Variants in CNOT6 observed in about 807,000 individuals in gnomAD.
The protein encoded by CNOT6 is CCR4-NOT transcription complex subunit 6.
CNOT6 carries 12 observed loss-of-function variants against 61.2 expected under a neutral mutation model. The observed-to-expected ratio is 0.20, with a 90% CI of 0.13 to 0.32. The LOEUF is 0.32. CNOT6 is among the 10% of genes least tolerant of loss of function. The pLI, the probability that CNOT6 is intolerant of heterozygous loss-of-function variation, is 1.00. For missense variants in CNOT6, 405 were observed against 663.9 expected (o/e 0.61, Z 4.28); for synonymous variants, 225 against 240.6 (o/e 0.94, Z 0.60).
intron 1 of CNOT6, among the ~76,000 whole-genome samples, chr5:180,500,722 A>G (rs1185986147): frequency 6.6e-6 from 1 of 152,222 alleles, no homozygotes. Flanking sequence ...GTCAGGTAAC[A>G]TGCTACCTTT....
At chr5:180,548,941 A>T (rs1021747430) in intron 2 of CNOT6, among the ~76,000 whole-genome samples, 3 of 152,234 alleles carry the variant, frequency 2.0e-5, no homozygotes, top group African/African-American at 7.2e-5. Context: ...TTGACAATTT[A>T]TCAAGAAGTG....
At chr5:180,514,902 T>A (rs1170610149) in intron 1 of CNOT6, among the ~76,000 whole-genome samples, 1 of 152,166 alleles carries the variant, frequency 6.6e-6, no homozygotes, top group Non-Finnish European at 1.5e-5. Flanking sequence ...TTAGCGTAAT[T>A]TGCTAGGCAT....
At chr5:180,559,751 G>A (rs566490512) in intron 4 of CNOT6, among the ~76,000 whole-genome samples, 1 of 151,992 alleles carries the variant, frequency 6.6e-6, no homozygotes, top group East Asian at 1.9e-4. Flanking sequence ...TGGTTTGAGT[G>A]TGTCTGTTTG....
chr5:180,539,686 T>G (rs1758928157), intron 2 of CNOT6, among the ~76,000 whole-genome samples: 1 of 143,802 alleles, frequency 7.0e-6, no homozygotes, highest in Admixed American at 7.3e-5. Context: ...GCCTCCCAGG[T>G]TCACGCCATT....
At chr5:180,547,817 G>A (rs62405545) in intron 2 of CNOT6, among the ~76,000 whole-genome samples, 1 of 151,538 alleles carries the variant, frequency 6.6e-6, no homozygotes, top group Non-Finnish European at 1.5e-5. Flanking sequence ...CACTGCAACC[G>A]CCACCTCCCG....
intron 2 of CNOT6, among the ~76,000 whole-genome samples, chr5:180,546,140 C>T (rs963964010): frequency 2.0e-5 from 3 of 152,030 alleles, no homozygotes; most frequent in African/African-American, 4.8e-5. Flanking sequence ...ATGATCCACC[C>T]GCCTCGGCCT....
chr5:180,498,759 C>T (rs72811138), intron 1 of CNOT6, among the ~76,000 whole-genome samples: 2,878 of 152,276 alleles, frequency 0.019, 38 homozygotes, highest in Non-Finnish European at 0.027. Flanking sequence ...GGAGGCCCTA[C>T]AAGTGTATAT....
At chr5:180,571,508 A>G (rs1561668167) in intron 11 of CNOT6, 76 bp downstream of exon 11, 8 of 1,041,660 alleles carry the variant, frequency 7.7e-6, no homozygotes, top group Non-Finnish European at 1.0e-5. Flanking sequence ...TATGTCTTTA[A>G]AACTGTGGCT....
intron 2 of CNOT6, among the ~76,000 whole-genome samples, chr5:180,540,171 A>C (rs11748880): frequency 0.47 from 70,916 of 151,716 alleles, 17,582 homozygotes; most frequent in Non-Finnish European, 0.56. Flanking sequence ...AGACTGTTGG[A>C]CGCTTCCATT....
At chr5:180,546,746 A>G (rs1275105534) in intron 2 of CNOT6, among the ~76,000 whole-genome samples, 2 of 152,120 alleles carry the variant, frequency 1.3e-5, no homozygotes, top group African/African-American at 4.8e-5. Flanking sequence ...TGCTTAAAGA[A>G]TTTTCTCTAA....
rs1249251232 is a variant in CNOT6 at position 180,505,319 on chromosome 5, G to A, written c.-3+10556G>A. ...CGCCCAGTCTGGACTGCAGTGGCGC[G>A]ATCTCGGCTCACTGCAAGCTCCACC... On this transcript the variant is annotated intron_variant, in intron 1 of 11. Transcript: ENST00000261951. Among the ~76,000 whole-genome samples, 2 of 114,396 alleles carry A rather than the reference G, an allele frequency of 1.7e-5. 1 individual carries two copies. Among genetic ancestry groups the A allele is most frequent in the Non-Finnish European group, 3.4e-5 (2 of 58,228 alleles). The allele number at this position is 114,396 out of a possible 152,430, so 75.0% of individuals were successfully genotyped here.
intron 2 of CNOT6, among the ~76,000 whole-genome samples, chr5:180,542,041 A>G (rs946193416): frequency 3.3e-5 from 5 of 152,062 alleles, no homozygotes; most frequent in African/African-American, 4.8e-5. Flanking sequence ...GTGGCCTTCC[A>G]GCGTGCATTG....
intron 3 of CNOT6, among the ~76,000 whole-genome samples, chr5:180,553,137 A>C (rs912150400): frequency 6.6e-6 from 1 of 152,154 alleles, no homozygotes; most frequent in Non-Finnish European, 1.5e-5. Context: ...AATACTTTTT[A>C]AAAATTGGGT....
At chr5:180,533,781 T>C (rs1415268942) in intron 2 of CNOT6, among the ~76,000 whole-genome samples, 1 of 152,196 alleles carries the variant, frequency 6.6e-6, no homozygotes, top group Non-Finnish European at 1.5e-5. Flanking sequence ...ACAGTTTTCT[T>C]TTTTATATTT....
chr5:180,565,938 A>G lies in CNOT6; in HGVS notation c.678A>G (p.Gln226=), dbSNP rs1373574178. The G allele has an allele frequency of 6.2e-7, 1 of 1,614,046 alleles. No individual in the cohort carries two copies. Among genetic ancestry groups the G allele is most frequent in the Non-Finnish European group, 8.5e-7 (1 of 1,179,938 alleles). ...ACTACAGGAAAAAGGCCATTATTCA[A>G]GAAATCTTGAGCTGCAATGCTGATA... The part of the protein sequence containing the change: ...NWDYRKKAII[Q]EILSCNADIV... Residue 226 remains glutamine (Q), a synonymous_variant, in exon 7 of 12, where the codon CAA becomes CAG. Transcript: ENST00000261951.
intron 1 of CNOT6, among the ~76,000 whole-genome samples, chr5:180,505,750 G>T (rs1757109273): frequency 6.6e-6 from 1 of 151,860 alleles, no homozygotes; most frequent in Non-Finnish European, 1.5e-5. Flanking sequence ...GGGTTTCACT[G>T]TGTTAGCCAG....
At chr5:180,545,227 A>G (rs948028118) in intron 2 of CNOT6, among the ~76,000 whole-genome samples, 1 of 152,200 alleles carries the variant, frequency 6.6e-6, no homozygotes, top group Non-Finnish European at 1.5e-5. Context: ...TTGACTGTGT[A>G]CACCCGTGAA....
Position 180,576,997 on chromosome 5 carries a change from C to A in CNOT6, c.*2797C>A, listed in dbSNP as rs1024119902. On this transcript the variant is annotated 3_prime_UTR_variant, in exon 12 of 12. Transcript: ENST00000261951. ...AGGCACCCAAATCCTTGTCGCCAAT[C>A]TCCTGAAGTACAGCTTTACCATATT... 2 of 152,522 alleles carry A rather than the reference C, an allele frequency of 1.3e-5. No individual in the cohort carries two copies. The highest frequency in any genetic ancestry group is 4.8e-5 in the African/African-American group (2 of 41,446). The allele number at this position is 152,522 out of a possible 1,614,324, so 9.4% of individuals were successfully genotyped here. A position where few individuals can be genotyped will look rare whatever the true frequency, so the allele number is the denominator to read the frequency against.
intron 1 of CNOT6, among the ~76,000 whole-genome samples, chr5:180,521,106 T>A (rs1208181863): frequency 6.6e-6 from 1 of 152,126 alleles, no homozygotes; most frequent in Non-Finnish European, 1.5e-5. Context: ...CCCGAAGTGC[T>A]AGGATTACAG....
Sources: allele counts gnomAD v4.1 joint callset (sites outside exome capture counted in the v4.1 genomes callset), GRCh38; gene constraint gnomAD v4.1.1; transcripts MANE v1.5; gene names NCBI Gene and HGNC (gene_info 2026-07-23, HGNC 2026-07-21).